The following ATP12A variants were observed in gnomAD, a reference collection of about 807,000 sequenced individuals.
ATP12A encodes ATPase H+/K+ transporting non-gastric alpha2 subunit, also known as potassium-transporting ATPase alpha chain 2.
A neutral mutation model predicts 111.2 loss-of-function variants in ATP12A; 81 were observed. The observed-to-expected ratio is 0.73, with a 90% CI of 0.61 to 0.88. ATP12A has a LOEUF of 0.88. ATP12A is among the 40% of genes least tolerant of loss of function. The pLI is 0.00. For synonymous variants in ATP12A, 498 were observed against 499.8 expected (o/e 1.00, Z 0.05); for missense variants, 1,196 against 1,313.1 (o/e 0.91, Z 1.38).
chr13:24,708,900 GGAAAGAAAGAAAGAAAGAAA>G (rs764913574), intron 17 of ATP12A, among the ~76,000 whole-genome samples: 168 of 65,192 alleles, frequency 2.6e-3, no homozygotes, highest in African/African-American at 5.8e-3. Flanking sequence ...AAGAAAGAAA[GGAAAGAAAGAAAGAAAGAAA>G]GAAAGAAAGA....
Position 24,700,923 on chromosome 13 carries a change from G to A in ATP12A, c.1881+1G>A, listed in dbSNP as rs924645849. The A allele has an allele frequency of 6.2e-7, 1 of 1,612,490 alleles. No homozygotes were observed. The highest frequency in any genetic ancestry group is 2.2e-5 in the East Asian group (1 of 44,850). ...CAAATGCCGGAGTGCAGGGATCAAG[G>A]TGGGAGTTATTTTCCTGACTCAAGA... On this transcript the variant is annotated splice_donor_variant, in intron 13 of 22. Transcript: ENST00000381946. LOFTEE classifies it high-confidence loss of function.
chr13:24,687,057 A>G (rs534816644), intron 3 of ATP12A, among the ~76,000 whole-genome samples: 4 of 152,234 alleles, frequency 2.6e-5, no homozygotes, highest in African/African-American at 9.6e-5. Flanking sequence ...TGGAAAAGGA[A>G]TTGGAGTGGA....
intron 11 of ATP12A, 113 bp from the exon 12 acceptor site, chr13:24,698,545 C>A: frequency 8.4e-7 from 1 of 1,184,046 alleles, no homozygotes; most frequent in Non-Finnish European, 1.2e-6. Flanking sequence ...AAGGGCGGAA[C>A]ATGCTGAGGA....
chr13:24,680,836 GA>G, intron 1 of ATP12A, 84 bp downstream of exon 1: 20 of 1,411,094 alleles, frequency 1.4e-5, no homozygotes, highest in South Asian at 4.5e-5. Flanking sequence ...GGGAAGCGAG[GA>G]AAAGGCGAAG....
In ATP12A at chr13:24,692,565, C is replaced by T. The variant is rs1874954958; in HGVS notation, c.1205C>T (p.Thr402Ile). 6.2e-7 allele frequency: 1 copy of T among 1,614,182 alleles called. No homozygotes were observed. The highest frequency in any genetic ancestry group is 8.5e-7 in the Non-Finnish European group (1 of 1,180,016). ...KTGTLTQNRM[T>I]VAHLWFDNQI... ...GGGACACTGACCCAGAACAGGATGA[C>T]AGTGGCCCATCTGTGGTTCGACAAT... The change falls in exon 9 of 23, where the codon ACA becomes ATA. Residue 402 changes from threonine to isoleucine, a missense_variant. Thr to Ile is a moderately conservative substitution (Grantham distance 89). Around this residue, in one of 3 missense-constraint regions of ATP12A, gnomAD observed 1,126 missense variants for 1,228.5 expected, o/e 0.92. Transcript: ENST00000381946.
rs753522526 is a variant in ATP12A at position 24,708,357 on chromosome 13, C to T, written c.2493+924C>T. 2.6e-5 allele frequency among the ~76,000 whole-genome samples: 4 copies of T among 152,202 alleles called. No homozygotes were observed. The East Asian group carries it at 7.7e-4, about 29-fold the overall frequency. On this transcript the variant is annotated intron_variant, in intron 17 of 22. Transcript: ENST00000381946. ...AGCTGAATTCTTAGCAGGAAACTGGCCCTTCGAAGTGCCCCCTTCCCCTTC... is the reference window on the plus strand; with the variant it reads ...AGCTGAATTCTTAGCAGGAAACTGGTCCTTCGAAGTGCCCCCTTCCCCTTC...
chr13:24,689,358 A>T lies in ATP12A; in HGVS notation c.529A>T (p.Asn177Tyr), dbSNP rs1322711989. 1 of 1,613,852 alleles carries T rather than the reference A, an allele frequency of 6.2e-7. No individual in the cohort carries two copies. Among genetic ancestry groups the T allele is most frequent in the Non-Finnish European group, 8.5e-7 (1 of 1,179,920 alleles). The change falls in exon 5 of 23, where the codon AAT becomes TAT. Residue 177 changes from asparagine to tyrosine, a missense_variant. By Grantham distance (143) the Asn-to-Tyr change is moderately radical. Coordinates refer to ENST00000381946, the MANE Select transcript of ATP12A (RefSeq NM_001676.7). The stretch of plus-strand genomic sequence containing the variant: ...AAGCACCAACATCATGTCCAGCTTC[A>T]ATAAGATGATCCCTCAGGTGAGTGG... ...AKSTNIMSSF[N>Y]KMIPQQALVI...
intron 4 of ATP12A, 127 bp from the exon 5 acceptor site, chr13:24,689,135 C>A: frequency 1.3e-6 from 1 of 750,076 alleles, no homozygotes; most frequent in Non-Finnish European, 2.3e-6. Context: ...TGGGCGAATT[C>A]CATGGCCTGT....
intron 11 of ATP12A, 46 bp from the exon 12 acceptor site, chr13:24,698,612 C>A: frequency 6.4e-7 from 1 of 1,574,162 alleles, no homozygotes; most frequent in Non-Finnish European, 8.7e-7. Flanking sequence ...AGAAGGAATG[C>A]GTTTCACCTT....
chr13:24,681,464 C>T, intron 1 of ATP12A, 98 bp from the exon 2 acceptor site: 3 of 1,388,112 alleles, frequency 2.2e-6, no homozygotes, highest in Non-Finnish European at 2.9e-6. Context: ...GGAGAAGGGG[C>T]TCCTGACTCC....
At position 24,706,359 on chromosome 13, in the gene ATP12A, A is replaced by C. The variant is rs1274250274; in HGVS notation, c.2065A>C (p.Ser689Arg). 7 of 1,614,068 alleles carry C rather than the reference A, an allele frequency of 4.3e-6. No individual in the cohort carries two copies. In the South Asian group the frequency reaches 7.7e-5, roughly 18 times the overall value. ...GACTGGCATGGAGCTGAAGGACATG[A>C]GCTCAGAACAGCTGGATGAGATCTT... ...VVTGMELKDM[S>R]SEQLDEILAN... is the part of the protein sequence containing the mutation. The change falls in exon 15 of 23, where the codon AGC (serine) becomes CGC (arginine). Residue 689 changes from serine to arginine, a missense_variant. Physicochemically the swap from Ser to Arg is moderately radical, Grantham distance 110. Transcript: ENST00000381946.
At chr13:24,696,718 CAAAAAAAAAAAAAA>C (rs1199522203) in intron 11 of ATP12A, among the ~76,000 whole-genome samples, 725 of 33,052 alleles carry the variant, frequency 0.022, 118 homozygotes, top group Non-Finnish European at 0.032. Context: ...GACTCCGTCT[CAAAAAAAAAAAAAA>C]AAAAAAAAAA....
rs1197582790 is a variant in ATP12A, at chr13:24,688,429, G to T, written c.339G>T (p.Gly113=). Residue 113 remains glycine, a synonymous_variant, in exon 4 of 23, where the codon GGG becomes GGT. Transcript: ENST00000381946. The stretch of plus-strand genomic sequence containing the variant: ...TCAAGTTCCTCAAGCAGATGGTGGG[G>T]GGGTTCTCTATCCTCCTGTGGGTGG... ...EIVKFLKQMV[G]GFSILLWVGA... is the part of the protein sequence containing the mutation. 6.2e-7 allele frequency: 1 copy of T among 1,614,046 alleles called. No individual in the cohort carries two copies. The highest frequency in any genetic ancestry group is 8.5e-7 in the Non-Finnish European group (1 of 1,180,036).
Position 24,688,507 on chromosome 13 carries a change from T to C in ATP12A, c.417T>C (p.Ser139=), listed in dbSNP as rs768131390. The change falls in exon 4 of 23, where the codon TCT becomes TCC. Residue 139 remains serine, a synonymous_variant. Coordinates refer to ENST00000381946, the MANE Select transcript of ATP12A (RefSeq NM_001676.7). ...AYGIQYSSDK[S]ASLNNVYLGC... The stretch of plus-strand genomic sequence containing the variant: ...GGATTCAGTACTCCAGCGACAAGTC[T>C]GCATCCCTGAACAACGTAAGGCTCT... The C allele has an allele frequency of 6.9e-6, 11 of 1,599,490 alleles. No individual in the cohort carries two copies. Among genetic ancestry groups the C allele is most frequent in the African/African-American group, 4.0e-5 (3 of 74,548 alleles).
chr13:24,709,299 C>T, intron 17 of ATP12A, 65 bp from the exon 18 acceptor site: 1 of 1,252,670 alleles, frequency 8.0e-7, no homozygotes, highest in East Asian at 2.9e-5. Flanking sequence ...CCCCAGCCCC[C>T]CTCCCCTACT....
In ATP12A at chr13:24,685,250, AG is replaced by A. The variant is rs1874626044; in HGVS notation, c.169-63del. On this transcript the variant is annotated intron_variant, in intron 2 of 22. Transcript: ENST00000381946. The surrounding 1 kb of genome is among the most constrained non-coding windows in gnomAD (Gnocchi z 5.5). ...ACTCCCAGCTTCCATGGCTGGTCAAAGCTTGGGGCTTGAGTCTTTTGGAATT... is the reference window on the plus strand; with the variant it reads ...ACTCCCAGCTTCCATGGCTGGTCAAACTTGGGGCTTGAGTCTTTTGGAATT... The A allele has an allele frequency of 5.9e-6, 9 of 1,527,664 alleles. No homozygotes were observed. The highest frequency in any genetic ancestry group is 8.2e-6 in the Non-Finnish European group (9 of 1,101,594). 94.6% of individuals were successfully genotyped at this position (1,527,664 alleles called of 1,614,324 possible).
In ATP12A at chr13:24,692,569, G is replaced by A; in HGVS notation, c.1209G>A (p.Val403=). 6.2e-7 allele frequency: 1 copy of A among 1,614,138 alleles called. No individual in the cohort carries two copies. Among genetic ancestry groups the A allele is most frequent in the Non-Finnish European group, 8.5e-7 (1 of 1,179,998 alleles). Residue 403 remains valine, a synonymous_variant, in exon 9 of 23, where the codon GTG becomes GTA. Coordinates refer to ENST00000381946, the MANE Select transcript of ATP12A (RefSeq NM_001676.7). ...CACTGACCCAGAACAGGATGACAGT[G>A]GCCCATCTGTGGTTCGACAATCAGA... The part of the protein sequence containing the change: ...TGTLTQNRMT[V]AHLWFDNQIF...
At chr13:24,698,620 C>T in intron 11 of ATP12A, 38 bp from the exon 12 acceptor site, 1 of 1,595,876 alleles carries the variant, frequency 6.3e-7, no homozygotes, top group Non-Finnish European at 8.5e-7. Context: ...TGCGTTTCAC[C>T]TTTCTGTAAG....
chr13:24,709,478 C>G lies in ATP12A; in HGVS notation c.2608C>G (p.Leu870Val). The change falls in exon 18 of 23, where the codon CTG becomes GTG. Residue 870 changes from leucine (L) to valine (V), a missense_variant. Physicochemically the swap from Leu to Val is conservative, Grantham distance 32. Transcript: ENST00000381946. ...VNQPLAVYSY[L>V]HIGLMQALGA... ...CCAGCCGCTCGCTGTGTACTCATAC[C>G]TGCACATTGGTACGATGAGGGCGCG... 5 of 1,613,924 alleles carry G rather than the reference C, an allele frequency of 3.1e-6. No individual in the cohort carries two copies. The highest frequency in any genetic ancestry group is 4.2e-6 in the Non-Finnish European group (5 of 1,179,924).
Sources: allele counts gnomAD v4.1 joint callset (sites outside exome capture counted in the v4.1 genomes callset), GRCh38; gene constraint gnomAD v4.1.1; regional missense constraint gnomAD v4.1.1; non-coding constraint Gnocchi (gnomAD v3.1); transcripts MANE v1.5; gene names NCBI Gene and HGNC (gene_info 2026-07-23, HGNC 2026-07-21).